Variants in YJU2 observed in about 807,000 individuals in gnomAD.
The protein encoded by YJU2 is splicing factor YJU2.
In YJU2, 28 loss-of-function variants were observed where a neutral mutation model predicts 39.6. The ratio of observed to expected loss-of-function variants is 0.71; its 90% CI spans 0.52 to 0.97. The LOEUF (loss-of-function observed/expected upper bound fraction) is 0.97, where lower values mean the gene tolerates loss of function less well. Among genes scored for constraint, YJU2 ranks in the 50% least tolerant of loss-of-function variants. The pLI is 0.00. For missense variants in YJU2, 328 were observed against 430.4 expected, an observed-to-expected ratio of 0.76 and a Z score of 2.11; for synonymous variants, 184 against 182.4, an observed-to-expected ratio of 1.01 and a Z score of -0.07.
In YJU2 at chr19:4,247,651, GTGTGTGTGTGTGTGTGTGTGTGTGTGTGT is replaced by G. The variant is rs1970940432; in HGVS notation, c.24+482_24+510del. Reference sequence around the variant, plus strand: ...TGTGTGTGTGTGTGTGTGTGTGTGTGTGTGTGTGTGTGTGTGTGTGTGTGTGTGTGTGTGTGTGTGTGTGTGTTTTGTTT... The same window carrying G: ...TGTGTGTGTGTGTGTGTGTGTGTGTGGTGTGTGTGTGTGTGTGTTTTGTTT... On this transcript the variant is annotated intron_variant, in intron 1 of 7. Coordinates refer to ENST00000262962, the MANE Select transcript of YJU2 (RefSeq NM_018074.6). Among the ~76,000 whole-genome samples the G allele has an allele frequency of 4.3e-5, 3 of 70,088 alleles. 1 individual carries two copies. The highest frequency in any genetic ancestry group is 2.9e-4 in the Admixed American group (2 of 6,928). 46.0% of individuals were successfully genotyped at this position (70,088 alleles called of 152,430 possible). A position where few individuals can be genotyped will look rare whatever the true frequency, so the allele number is the denominator to read the frequency against.
chr19:4,251,094 A>C lies in YJU2; in HGVS notation c.193A>C (p.Asn65His). ...KFNARKETVQ[N>H]EVYLGLPIFR... is the part of the protein sequence containing the mutation. ...CAATGCTCGGAAGGAGACGGTGCAG[A>C]ACGAGGTCTACCTGGGCCTGCCCAT... Residue 65 changes from asparagine to histidine, a missense_variant, in exon 3 of 8, where the codon AAC becomes CAC. By Grantham distance (68) the Asn-to-His change is moderately conservative. Transcript: ENST00000262962. 1 of 1,614,184 alleles carries C rather than the reference A, an allele frequency of 6.2e-7. No individual in the cohort carries two copies. Among genetic ancestry groups the C allele is most frequent in the Non-Finnish European group, 8.5e-7 (1 of 1,180,000 alleles).
At chr19:4,247,571 GTGGGGTGGCGCGTGTGT>G (rs1568359417) in intron 1 of YJU2, among the ~76,000 whole-genome samples, 2 of 89,470 alleles carry the variant, frequency 2.2e-5, no homozygotes, top group African/African-American at 1.8e-4. Context: ...GTGGGGTGGG[GTGGGGTGGCGCGTGTGT>G]GTGTGTGTGT....
intron 6 of YJU2, among the ~76,000 whole-genome samples, chr19:4,263,117 G>A (rs996936305): frequency 1.3e-5 from 2 of 151,514 alleles, no homozygotes; most frequent in African/African-American, 4.9e-5. Context: ...ACTGGTGGCA[G>A]GCCTATGGGT....
intron 6 of YJU2, among the ~76,000 whole-genome samples, chr19:4,263,846 G>A (rs570625036): frequency 6.6e-6 from 1 of 150,468 alleles, no homozygotes; most frequent in African/African-American, 2.4e-5. Context: ...AGGAGTTTTG[G>A]TGGATGACCA....
rs1306775390 is a variant in YJU2, at chr19:4,257,566, C to T, written c.406-676C>T. On this transcript the variant is annotated intron_variant, in intron 4 of 7. Transcript: ENST00000262962. ...TTGGTTCACTGCAACCTCTGCCTCC[C>T]GGGTTCAAGCAATTCTCCTGCCTCA... 2.6e-5 allele frequency among the ~76,000 whole-genome samples: 4 copies of T among 151,372 alleles called. No homozygotes were observed. In the East Asian group the frequency reaches 5.8e-4, roughly 22 times the overall value.
At chr19:4,259,027 G>T (rs1004726557) in intron 5 of YJU2, among the ~76,000 whole-genome samples, 2 of 146,488 alleles carry the variant, frequency 1.4e-5, no homozygotes, top group Non-Finnish European at 3.0e-5. Flanking sequence ...CTCACCAGCC[G>T]CCTTCTGAGG....
intron 6 of YJU2, among the ~76,000 whole-genome samples, chr19:4,262,522 C>G (rs1971080468): frequency 1.3e-5 from 2 of 152,162 alleles, no homozygotes; most frequent in South Asian, 2.1e-4. Flanking sequence ...TCTTAAAAGG[C>G]CAGTCTGCAC....
intron 3 of YJU2, 44 bp downstream of exon 3, chr19:4,251,215 A>G: frequency 1.9e-6 from 3 of 1,599,804 alleles, no homozygotes; most frequent in Non-Finnish European, 2.6e-6. Context: ...CCCCCAGCAC[A>G]CCTCAGATCA....
intron 4 of YJU2, 70 bp downstream of exon 4, chr19:4,254,559 G>C (rs1022141046): frequency 1.4e-4 from 206 of 1,452,886 alleles, no homozygotes; most frequent in Non-Finnish European, 1.8e-4. Context: ...CAATGGTTGT[G>C]CCCTTCCTGC....
intron 6 of YJU2, among the ~76,000 whole-genome samples, chr19:4,262,465 T>TTACAGGCCTCCCAAA (rs1193195667): frequency 6.6e-6 from 1 of 152,086 alleles, no homozygotes. Flanking sequence ...CCCAAAGTGC[T>TTACAGGCCTCCCAAA]GGGATTACAG....
At chr19:4,247,303 A>G in intron 1 of YJU2, 133 bp downstream of exon 1, 1 of 761,128 alleles carries the variant, frequency 1.3e-6, no homozygotes, top group East Asian at 2.6e-5. Flanking sequence ...GGGGCTTCCC[A>G]GACTCCTCCC....
intron 4 of YJU2, among the ~76,000 whole-genome samples, chr19:4,257,141 A>G (rs1971027874): frequency 6.6e-6 from 1 of 152,104 alleles, no homozygotes; most frequent in Non-Finnish European, 1.5e-5. Context: ...GCCACTTCTC[A>G]GGGACCCGTG....
At chr19:4,267,881 C>A in intron 7 of YJU2, 107 bp downstream of exon 7, 1 of 988,748 alleles carries the variant, frequency 1.0e-6, no homozygotes, top group African/African-American at 1.6e-5. Flanking sequence ...GTGGGGGCGG[C>A]CTGCGACCCC....
chr19:4,251,239 G>A (rs747381552), intron 3 of YJU2, 68 bp downstream of exon 3: 32 of 1,498,696 alleles, frequency 2.1e-5, no homozygotes, highest in Non-Finnish European at 2.9e-5. Flanking sequence ...CGGGCCCTGG[G>A]GTTCCTTAAC....
chr19:4,259,071 C>CTTT (rs34728075), intron 5 of YJU2, among the ~76,000 whole-genome samples: 1,072 of 90,316 alleles, frequency 0.012, 170 homozygotes, highest in African/African-American at 0.038. Flanking sequence ...GAACACTTTT[C>CTTT]TTTTTTTTTT....
Position 4,249,296 on chromosome 19 carries a change from C to T in YJU2, c.93C>T (p.Tyr31=), listed in dbSNP as rs774466060. 1.8e-5 allele frequency: 29 copies of T among 1,613,658 alleles called. No individual in the cohort carries two copies. Among genetic ancestry groups the T allele is most frequent in the Admixed American group, 1.0e-4 (6 of 59,946 alleles). ...PKLKLPKDRQ[Y]VVRLMAPFNM... ...TCAAGCTCCCCAAAGACCGGCAGTA[C>T]GTGGTGCGGCTGATGGCCCCCTTCA... Residue 31 remains tyrosine, a synonymous_variant, in exon 2 of 8, where the codon TAC becomes TAT. Transcript: ENST00000262962.
Position 4,268,583 on chromosome 19 carries a change from G to T in YJU2, c.860-1G>T. 1.9e-6 allele frequency: 3 copies of T among 1,608,770 alleles called. No homozygotes were observed. Among genetic ancestry groups the T allele is most frequent in the Non-Finnish European group, 2.5e-6 (3 of 1,176,942 alleles). On this transcript the variant is annotated splice_acceptor_variant, in intron 7 of 7. Transcript: ENST00000262962. LOFTEE classifies it high-confidence loss of function. ...TGAGCTAACTCTCGCTCTCCCACCA[G>T]GAGCCCCGCAGAACAGGAAGGAGGC...
chr19:4,254,332 A>C lies in YJU2; in HGVS notation c.271-23A>C, dbSNP rs760468551. On this transcript the variant is annotated intron_variant, in intron 3 of 7. Coordinates refer to ENST00000262962, the MANE Select transcript of YJU2 (RefSeq NM_018074.6). ...CTAGTGCCTGGGGATGTAGGAGCTG[A>C]TGTCTGTCTATCCTCCCTGCAGACA... 102 of 1,585,990 alleles carry C rather than the reference A, an allele frequency of 6.4e-5. 1 individual carries two copies. In the South Asian group the frequency reaches 1.1e-3, roughly 17 times the overall value.
In YJU2 at chr19:4,251,078, G is replaced by A. The variant is rs756577366; in HGVS notation, c.177G>A (p.Arg59=). The change falls in exon 3 of 8, where the codon CGG becomes CGA. Residue 59 remains arginine (R), a synonymous_variant. Coordinates refer to ENST00000262962, the MANE Select transcript of YJU2 (RefSeq NM_018074.6). The part of the protein sequence containing the change: ...YIYKGKKFNA[R]KETVQNEVYL... ...ACAAGGGGAAGAAATTCAATGCTCGGAAGGAGACGGTGCAGAACGAGGTCT... is the reference window on the plus strand; with the variant it reads ...ACAAGGGGAAGAAATTCAATGCTCGAAAGGAGACGGTGCAGAACGAGGTCT... 6.2e-7 allele frequency: 1 copy of A among 1,614,208 alleles called. No individual in the cohort carries two copies. Among genetic ancestry groups the A allele is most frequent in the Non-Finnish European group, 8.5e-7 (1 of 1,180,024 alleles).
Sources: gnomAD v4.1 joint callset for allele counts (sites outside exome capture counted in the v4.1 genomes callset) on GRCh38, gnomAD v4.1.1 for gene constraint, MANE v1.5 for transcripts, NCBI Gene and HGNC (gene_info 2026-07-23, HGNC 2026-07-21) for gene names.